IL36B: variants seen among roughly 807,000 people sequenced by gnomAD.
IL36B encodes interleukin 36 beta.
A neutral mutation model predicts 19.3 loss-of-function variants in IL36B; 23 were observed. The ratio of observed to expected loss-of-function variants is 1.19; its 90% CI spans 0.86 to 1.69. The LOEUF is 1.69. IL36B is among the 40% of genes most tolerant of loss of function. The probability of loss-of-function intolerance (pLI) is 0.00; values close to 1 mark genes in which losing one functional copy is unlikely to be tolerated. For missense variants in IL36B, 217 were observed against 200.5 expected (o/e 1.08, Z -0.50); for synonymous variants, 59 against 59.7 (o/e 0.99, Z 0.05).
chr2:113,029,183 T>C (rs1458975948), intron 3 of IL36B, 105 bp from the exon 4 acceptor site: 16 of 1,183,074 alleles, frequency 1.4e-5, no homozygotes, highest in Middle Eastern at 2.0e-4. Flanking sequence ...CCATTAGCCA[T>C]GTGGCAGAGA....
In IL36B at chr2:113,022,754, A is replaced by G. The variant is rs770269491; in HGVS notation, c.415T>C (p.Phe139Leu). The G allele has an allele frequency of 3.1e-6, 5 of 1,612,586 alleles. No individual in the cohort carries two copies. The African/African-American group carries it at 6.7e-5, about 22-fold the overall frequency. The change falls in exon 6 of 6, where the codon TTT becomes CTT. Residue 139 changes from phenylalanine (F) to leucine (L), a missense_variant. Phe to Leu is a conservative substitution (Grantham distance 22). Transcript: ENST00000259213. Reference sequence around the variant, plus strand: ...TTCTTCCTGAGATGGTGATGTTGAAAGGAACTCTTCCACTTCTTTCTACCT... The same window carrying G: ...TTCTTCCTGAGATGGTGATGTTGAAGGGAACTCTTCCACTTCTTTCTACCT...
chr2:113,039,829 C>T (rs1196350276), intron 1 of IL36B, among the ~76,000 whole-genome samples: 1 of 151,250 alleles, frequency 6.6e-6, no homozygotes, highest in Admixed American at 6.6e-5. Context: ...TGGATCAGGA[C>T]TTTTACAAAA....
Position 113,022,674 on chromosome 2 carries a change from C to T in IL36B, c.495G>A (p.Ter165=). ...GATGGGAATCTTCCTCCCCTTATTT[C>T]TACATCCTTCCTGGCATTCCTATGT... Residue 165 remains the stop codon, a stop_retained_variant, in exon 6 of 6, where the codon TAG becomes TAA. Transcript: ENST00000259213. The T allele has an allele frequency of 6.3e-7, 1 of 1,578,848 alleles. No individual in the cohort carries two copies. The highest frequency in any genetic ancestry group is 1.1e-5 in the South Asian group (1 of 90,386).
chr2:113,035,174 G>C (rs903486069), intron 1 of IL36B, among the ~76,000 whole-genome samples: 14 of 152,122 alleles, frequency 9.2e-5, no homozygotes, highest in Non-Finnish European at 1.8e-4. Flanking sequence ...TTTCCCCAAG[G>C]GATCAATGGG....
chr2:113,031,210 C>G, intron 2 of IL36B, 55 bp from the exon 3 acceptor site: 1 of 1,148,470 alleles, frequency 8.7e-7, no homozygotes. Context: ...CTTCAGGACT[C>G]CAGTTGCATC....
intron 1 of IL36B, among the ~76,000 whole-genome samples, chr2:113,039,217 A>C (rs1685205352): frequency 6.6e-6 from 1 of 152,166 alleles, no homozygotes; most frequent in South Asian, 2.1e-4. Context: ...GGCACAGAGC[A>C]CTGGAACCTG....
At chr2:113,051,250 A>G (rs999212904) in intron 1 of IL36B, among the ~76,000 whole-genome samples, 3 of 152,230 alleles carry the variant, frequency 2.0e-5, no homozygotes, top group African/African-American at 7.2e-5. Context: ...GCAATGGTCA[A>G]ACTACACAGT....
chr2:113,042,242 G>A (rs1367491110), intron 1 of IL36B, among the ~76,000 whole-genome samples: 2 of 152,000 alleles, frequency 1.3e-5, no homozygotes, highest in Non-Finnish European at 1.5e-5. Flanking sequence ...CACTATTCAG[G>A]GACACATAAT....
intron 4 of IL36B, chr2:113,027,991 G>A (rs1371020401): frequency 6.2e-7 from 1 of 1,614,060 alleles, no homozygotes; most frequent in Non-Finnish European, 8.5e-7. Context: ...TGTGGTGGAG[G>A]TGGCTATGAA....
chr2:113,025,047 T>C (rs566666649), intron 5 of IL36B, among the ~76,000 whole-genome samples: 4 of 152,276 alleles, frequency 2.6e-5, no homozygotes, highest in African/African-American at 9.6e-5. Flanking sequence ...GGGGAAAGGC[T>C]TGGACAAAAT....
intron 1 of IL36B, among the ~76,000 whole-genome samples, chr2:113,046,868 A>G (rs1685359779): frequency 1.3e-5 from 2 of 152,132 alleles, no homozygotes; most frequent in South Asian, 2.1e-4. Flanking sequence ...TTTCACCCCC[A>G]TTTCCATACT....
At chr2:113,033,320 C>T (rs900599442) in intron 1 of IL36B, among the ~76,000 whole-genome samples, 1 of 152,164 alleles carries the variant, frequency 6.6e-6, no homozygotes, top group Non-Finnish European at 1.5e-5. Context: ...AAACTTCCGC[C>T]TCTCAGGTTC....
At chr2:113,039,153 G>A (rs887877860) in intron 1 of IL36B, among the ~76,000 whole-genome samples, 1 of 152,176 alleles carries the variant, frequency 6.6e-6, no homozygotes, top group Admixed American at 6.5e-5. Context: ...GACTCACTCT[G>A]GTCATCTTGG....
At chr2:113,027,661 G>A in intron 4 of IL36B, 6 of 1,340,080 alleles carry the variant, frequency 4.5e-6, no homozygotes, top group Non-Finnish European at 5.8e-6. Context: ...GGATGGTGGG[G>A]TAAGATCAAG....
Position 113,026,132 on chromosome 2 carries a change from C to T in IL36B, c.362G>A (p.Gly121Glu). ...TCCTATTCCCCATTGGTCAAGGGTTCCCATGAAGCAGCTCTCTCTCACATC... is the reference window on the plus strand; with the variant it reads ...TCCTATTCCCCATTGGTCAAGGGTTTCCATGAAGCAGCTCTCTCTCACATC... Residue 121 changes from glycine (G) to glutamate (E), a missense_variant, in exon 5 of 6, where the codon GGA (glycine) becomes GAA (glutamate). Gly to Glu is a moderately conservative substitution (Grantham distance 98). Coordinates refer to ENST00000259213, the MANE Select transcript of IL36B (RefSeq NM_014438.5). The T allele has an allele frequency of 6.2e-7, 1 of 1,613,870 alleles. No homozygotes were observed. The highest frequency in any genetic ancestry group is 1.1e-5 in the South Asian group (1 of 91,074).
intron 4 of IL36B, among the ~76,000 whole-genome samples, chr2:113,027,070 T>C (rs1242451806): frequency 6.6e-6 from 1 of 152,250 alleles, no homozygotes; most frequent in African/African-American, 2.4e-5. Context: ...ATGTATTATA[T>C]AATGTATTCT....
At chr2:113,047,462 C>A (rs766474757) in intron 1 of IL36B, among the ~76,000 whole-genome samples, 31 of 152,156 alleles carry the variant, frequency 2.0e-4, no homozygotes, top group Non-Finnish European at 4.0e-4. Flanking sequence ...TATGAATATT[C>A]TTGAGCTTAA....
At chr2:113,026,065 G>A (rs1684952971) in intron 5 of IL36B, 2 of 1,606,012 alleles carry the variant, frequency 1.2e-6, no homozygotes, top group Admixed American at 3.4e-5. Flanking sequence ...TCTCAGAATT[G>A]TCCACCTGTG....
chr2:113,047,270 G>C (rs567582865), intron 1 of IL36B, among the ~76,000 whole-genome samples: 7 of 152,154 alleles, frequency 4.6e-5, no homozygotes, highest in South Asian at 2.1e-4. Flanking sequence ...TTTTGCCAAG[G>C]GTGTTGGGTA....
Sources: allele counts gnomAD v4.1 joint callset (sites outside exome capture counted in the v4.1 genomes callset), GRCh38; gene constraint gnomAD v4.1.1; transcripts MANE v1.5; gene names NCBI Gene and HGNC (gene_info 2026-07-23, HGNC 2026-07-21).